DAPK1: variants seen among roughly 807,000 people sequenced by gnomAD.
DAPK1 encodes the protein death associated protein kinase 1, also known as death-associated protein kinase 1.
Under a neutral mutation model 144.9 loss-of-function variants are expected in DAPK1, and 56 were observed. That is an observed-to-expected ratio of 0.39 (90% CI 0.31 to 0.48). The LOEUF is 0.48. Among genes scored for constraint, DAPK1 ranks in the 20% least tolerant of loss-of-function variants. The pLI is 0.95. For synonymous variants in DAPK1, 690 were observed against 749.0 expected (o/e 0.92, Z 1.29); for missense variants, 1,454 against 1,875.4 (o/e 0.78, Z 4.15).
Position 87,706,877 on chromosome 9 carries a change from C to G in DAPK1, c.3806C>G (p.Thr1269Ser). 2 of 1,614,028 alleles carry G rather than the reference C, an allele frequency of 1.2e-6. No individual in the cohort carries two copies. The highest frequency in any genetic ancestry group is 1.7e-6 in the Non-Finnish European group (2 of 1,180,026). ...CAGACTCTGAAGGAAACCTCACTGA[C>G]CAACACCATGGGGGGGTACAAGGAA... Reference protein sequence around the residue: ...RAQTLKETSLTNTMGGYKESF... With the variant: ...RAQTLKETSLSNTMGGYKESF... Residue 1269 changes from threonine (T) to serine (S), a missense_variant, in exon 26 of 26, where the codon ACC becomes AGC. By Grantham distance (58) the Thr-to-Ser change is moderately conservative. Around this residue, in one of 2 missense-constraint regions of DAPK1, gnomAD observed 1,025 missense variants for 1,237.9 expected, o/e 0.83. Transcript: ENST00000408954. This position sits in a 1 kb window ranked among gnomAD's most constrained non-coding sequence, Gnocchi z 9.0.
chr9:87,688,543 A>C (rs1824947332), intron 21 of DAPK1, among the ~76,000 whole-genome samples: 1 of 152,202 alleles, frequency 6.6e-6, no homozygotes, highest in Non-Finnish European at 1.5e-5. Flanking sequence ...ACTTATTTAC[A>C]TTCCCACAAC....
At chr9:87,561,419 G>A (rs1228086028) in intron 2 of DAPK1, among the ~76,000 whole-genome samples, 8 of 151,934 alleles carry the variant, frequency 5.3e-5, no homozygotes, top group Admixed American at 3.3e-4. Context: ...CCAGCTACTC[G>A]GGAGGCTGAG....
chr9:87,516,323 A>C (rs1233326113), intron 2 of DAPK1, among the ~76,000 whole-genome samples: 1 of 152,146 alleles, frequency 6.6e-6, no homozygotes, highest in African/African-American at 2.4e-5. Context: ...GGTCTAGGCC[A>C]TATCGGGTTC....
chr9:87,506,409 T>C (rs538356225), intron 2 of DAPK1, among the ~76,000 whole-genome samples: 1 of 152,364 alleles, frequency 6.6e-6, no homozygotes, highest in South Asian at 2.1e-4. Flanking sequence ...CCAAATGGCT[T>C]CAGCCTTGCA....
intron 2 of DAPK1, among the ~76,000 whole-genome samples, chr9:87,576,158 A>G (rs1827548746): frequency 6.6e-6 from 1 of 152,210 alleles, no homozygotes; most frequent in Admixed American, 6.5e-5. Context: ...ATACACGTAC[A>G]CACACGTGCA....
chr9:87,634,266 T>C (rs1454046343), intron 3 of DAPK1, among the ~76,000 whole-genome samples: 2 of 152,220 alleles, frequency 1.3e-5, no homozygotes, highest in Admixed American at 1.3e-4. Context: ...GGCCCTGTTA[T>C]GTTCCCTCAT....
chr9:87,674,289 A>G (rs1223480598), intron 19 of DAPK1, among the ~76,000 whole-genome samples: 1 of 152,168 alleles, frequency 6.6e-6, no homozygotes, highest in African/African-American at 2.4e-5. Context: ...ACCTGAGGTC[A>G]GTAGTTGAAA....
At chr9:87,628,091 T>C (rs568137782) in intron 3 of DAPK1, among the ~76,000 whole-genome samples, 21 of 152,280 alleles carry the variant, frequency 1.4e-4, no homozygotes, top group African/African-American at 5.0e-4. Context: ...TTGTTCTAGG[T>C]ACCTTCAGGA....
chr9:87,571,706 T>C (rs906728414), intron 2 of DAPK1, among the ~76,000 whole-genome samples: 1 of 152,158 alleles, frequency 6.6e-6, no homozygotes, highest in South Asian at 2.1e-4. Flanking sequence ...TTGCACACTT[T>C]CCTTAAACAG....
At chr9:87,680,681 C>T (rs1021344893) in intron 19 of DAPK1, among the ~76,000 whole-genome samples, 2 of 151,632 alleles carry the variant, frequency 1.3e-5, no homozygotes, top group African/African-American at 2.4e-5. Flanking sequence ...ACATTGAAGG[C>T]TTCACAGTTG....
chr9:87,671,702 A>C (rs1277695019), intron 19 of DAPK1, among the ~76,000 whole-genome samples: 1 of 152,202 alleles, frequency 6.6e-6, no homozygotes, highest in Non-Finnish European at 1.5e-5. Flanking sequence ...TGTATTAGCA[A>C]CTATGTCTCA....
At position 87,707,451 on chromosome 9, in the gene DAPK1, G is replaced by A; in HGVS notation, c.*87G>A. ...CATCCTTCCCTTTGGAGATGCTGAGGGTGTTTCTTCCTGCACCCACAGCCA... is the reference window on the plus strand; with the variant it reads ...CATCCTTCCCTTTGGAGATGCTGAGAGTGTTTCTTCCTGCACCCACAGCCA... On this transcript the variant is annotated 3_prime_UTR_variant, in exon 26 of 26. Coordinates refer to ENST00000408954, the MANE Select transcript of DAPK1 (RefSeq NM_004938.4). This position sits in a 1 kb window ranked among gnomAD's most constrained non-coding sequence, Gnocchi z 4.0. 1.1e-6 allele frequency: 1 copy of A among 942,634 alleles called. No individual in the cohort carries two copies. Among genetic ancestry groups the A allele is most frequent in the Non-Finnish European group, 1.6e-6 (1 of 630,352 alleles). 58.4% of individuals were successfully genotyped at this position (942,634 alleles called of 1,614,324 possible).
chr9:87,636,707 A>C (rs566517587), intron 3 of DAPK1, among the ~76,000 whole-genome samples: 1 of 152,314 alleles, frequency 6.6e-6, no homozygotes, highest in African/African-American at 2.4e-5. Context: ...TAGATGTGGA[A>C]GGTATAATGT....
chr9:87,518,287 T>TC, intron 2 of DAPK1, among the ~76,000 whole-genome samples: 1 of 149,114 alleles, frequency 6.7e-6, no homozygotes, highest in East Asian at 2.0e-4. Context: ...AATTTTTTTT[T>TC]TTTTTTTTTT....
chr9:87,565,825 G>A (rs994710950), intron 2 of DAPK1, among the ~76,000 whole-genome samples: 1 of 151,964 alleles, frequency 6.6e-6, no homozygotes, highest in Non-Finnish European at 1.5e-5. Context: ...TTACCATATG[G>A]CAGGCACTGT....
intron 2 of DAPK1, among the ~76,000 whole-genome samples, chr9:87,582,748 T>C (rs1370936821): frequency 6.6e-6 from 1 of 151,726 alleles, no homozygotes; most frequent in East Asian, 1.9e-4. Context: ...AGAGACGGGG[T>C]TTCACCATCT....
At chr9:87,621,362 G>C (rs1248657814) in intron 3 of DAPK1, among the ~76,000 whole-genome samples, 1 of 152,192 alleles carries the variant, frequency 6.6e-6, no homozygotes, top group Non-Finnish European at 1.5e-5. Context: ...CGGTTGTCAG[G>C]CTCGGCCATT....
At chr9:87,646,103 A>C (rs1015402732) in intron 12 of DAPK1, 89 bp downstream of exon 12, 4 of 1,462,668 alleles carry the variant, frequency 2.7e-6, no homozygotes, top group African/African-American at 1.4e-5. Flanking sequence ...CTGCTTCTCC[A>C]TTCTCCCTTC....
chr9:87,505,827 A>C (rs1335629830), intron 2 of DAPK1, among the ~76,000 whole-genome samples: 1 of 152,216 alleles, frequency 6.6e-6, no homozygotes, highest in East Asian at 1.9e-4. Flanking sequence ...AGCTGGAATT[A>C]TAGGCATGCA....
Sources: gnomAD v4.1 joint callset for allele counts (sites outside exome capture counted in the v4.1 genomes callset) on GRCh38, gnomAD v4.1.1 for gene constraint, gnomAD v4.1.1 regional missense constraint, Gnocchi (gnomAD v3.1) non-coding constraint, MANE v1.5 for transcripts, NCBI Gene and HGNC (gene_info 2026-07-23, HGNC 2026-07-21) for gene names.